ADCY10: variants seen among roughly 807,000 people sequenced by gnomAD.
ADCY10 encodes adenylate cyclase type 10.
A neutral mutation model predicts 183.3 loss-of-function variants in ADCY10; 156 were observed. The observed-to-expected ratio is 0.85, with a 90% CI of 0.75 to 0.97. The LOEUF (loss-of-function observed/expected upper bound fraction) is 0.97, where lower values mean the gene tolerates loss of function less well. Among genes scored for constraint, ADCY10 ranks in the 50% least tolerant of loss-of-function variants. ADCY10 has a pLI of 0.00. For synonymous variants in ADCY10, 645 were observed against 670.0 expected (o/e 0.96, Z 0.58); for missense variants, 1,745 against 1,934.3 (o/e 0.90, Z 1.84).
chr1:167,814,670 C>G (rs921481990), intron 31 of ADCY10, among the ~76,000 whole-genome samples: 1 of 152,056 alleles, frequency 6.6e-6, no homozygotes, highest in Non-Finnish European at 1.5e-5. Context: ...AACAAACATA[C>G]ACTTAATGGG....
At chr1:167,905,233 T>C in intron 1 of ADCY10, 35 bp from the exon 2 acceptor site, 3 of 1,390,138 alleles carry the variant, frequency 2.2e-6, no homozygotes, top group Non-Finnish European at 3.1e-6. Context: ...AAATCTGATA[T>C]ATTCATTTGC....
intron 26 of ADCY10, among the ~76,000 whole-genome samples, chr1:167,827,048 G>C (rs1405004551): frequency 3.9e-5 from 6 of 152,138 alleles, no homozygotes; most frequent in Admixed American, 3.9e-4. Flanking sequence ...CTAATGTAGA[G>C]GACAGACTCC....
chr1:167,863,025 T>C (rs767807766), intron 14 of ADCY10, among the ~76,000 whole-genome samples: 3 of 152,080 alleles, frequency 2.0e-5, no homozygotes, highest in African/African-American at 2.4e-5. Flanking sequence ...CAGGGAAAAA[T>C]CCAAAGACCT....
intron 6 of ADCY10, among the ~76,000 whole-genome samples, chr1:167,897,214 A>G (rs992030649): frequency 1.3e-5 from 2 of 151,494 alleles, no homozygotes; most frequent in African/African-American, 2.4e-5. Flanking sequence ...CAATAAAGAG[A>G]AAACATCAGG....
intron 21 of ADCY10, 49 bp from the exon 22 acceptor site, chr1:167,837,367 A>G: frequency 6.7e-7 from 1 of 1,492,642 alleles, no homozygotes; most frequent in South Asian, 1.1e-5. Context: ...TGTTCTCTGC[A>G]GTGGAGATAT....
chr1:167,825,723 A>C (rs1663239222), intron 26 of ADCY10, among the ~76,000 whole-genome samples: 1 of 152,140 alleles, frequency 6.6e-6, no homozygotes, highest in Non-Finnish European at 1.5e-5. Context: ...GGGGAGGTTG[A>C]GGCTGCAGTG....
At chr1:167,821,098 G>A (rs900431488) in intron 30 of ADCY10, 25 of 152,302 alleles carry the variant, frequency 1.6e-4, no homozygotes, top group African/African-American at 5.5e-4. Context: ...AATAGGGGGC[G>A]ATTTTCAGTC....
rs1381915651 is a variant in ADCY10, at chr1:167,822,115, A to G, written c.4195T>C (p.Cys1399Arg). 1.0e-5 allele frequency: 16 copies of G among 1,605,224 alleles called. No homozygotes were observed. The highest frequency in any genetic ancestry group is 1.3e-5 in the Non-Finnish European group (15 of 1,171,882). ...SGFVYRTFEE[C>R]LEFIHQYENN... ...TCGTATTGGTGTATGAATTCCAAAC[A>G]TTCTTCAAATGTTCTATAAACAAAA... The change falls in exon 30 of 33, where the codon TGT becomes CGT. Residue 1399 changes from cysteine to arginine, a missense_variant. Cys to Arg is a radical substitution (Grantham distance 180, BLOSUM62 -3). Coordinates refer to ENST00000367851, the MANE Select transcript of ADCY10 (RefSeq NM_018417.6).
intron 8 of ADCY10, among the ~76,000 whole-genome samples, chr1:167,888,693 G>A (rs998527031): frequency 2.6e-5 from 4 of 151,902 alleles, no homozygotes; most frequent in Non-Finnish European, 5.9e-5. Context: ...TGGCTAACAC[G>A]GTGAAACCTC....
Position 167,822,056 on chromosome 1 carries a change from G to T in ADCY10, c.4254C>A (p.Leu1418=). Residue 1418 remains leucine, a synonymous_variant, in exon 30 of 33, where the codon CTC becomes CTA. Coordinates refer to ENST00000367851, the MANE Select transcript of ADCY10 (RefSeq NM_018417.6). ...NNRILKFHSG[L]LLGLYSSVAI... is the part of the protein sequence containing the mutation. Reference sequence around the variant, plus strand: ...CTACAGAGGAATAAAGTCCCAGGAGGAGTCCACTGTGGAACTTGAGGATTC... The same window carrying T: ...CTACAGAGGAATAAAGTCCCAGGAGTAGTCCACTGTGGAACTTGAGGATTC... 1.2e-6 allele frequency: 2 copies of T among 1,602,484 alleles called. No individual in the cohort carries two copies. Among genetic ancestry groups the T allele is most frequent in the Non-Finnish European group, 1.7e-6 (2 of 1,169,330 alleles).
intron 21 of ADCY10, among the ~76,000 whole-genome samples, chr1:167,841,767 C>T (rs916686484): frequency 9.2e-5 from 14 of 152,044 alleles, no homozygotes; most frequent in African/African-American, 2.9e-4. Flanking sequence ...GTCACTGCAC[C>T]CAGATATTTA....
At chr1:167,843,025 A>G (rs1664768057) in intron 21 of ADCY10, among the ~76,000 whole-genome samples, 1 of 152,218 alleles carries the variant, frequency 6.6e-6, no homozygotes, top group Non-Finnish European at 1.5e-5. Flanking sequence ...TGTCGAGTCG[A>G]TAGCCTTCTG....
At chr1:167,866,710 C>G (rs929947152) in intron 14 of ADCY10, among the ~76,000 whole-genome samples, 1 of 148,474 alleles carries the variant, frequency 6.7e-6, no homozygotes, top group Non-Finnish European at 1.5e-5. Context: ...AATCTTGTGG[C>G]CTTAGACAGT....
chr1:167,897,517 G>GTATATATATA (rs1415937620), intron 6 of ADCY10, among the ~76,000 whole-genome samples: 1 of 69,004 alleles, frequency 1.4e-5, no homozygotes, highest in African/African-American at 1.0e-4. Flanking sequence ...ATATATATAT[G>GTATATATATA]TATATATATA....
chr1:167,911,048 C>A (rs1312636502), intron 1 of ADCY10, among the ~76,000 whole-genome samples: 1 of 152,206 alleles, frequency 6.6e-6, no homozygotes, highest in African/African-American at 2.4e-5. Context: ...GTTGTTAACA[C>A]TGGATGGAAA....
chr1:167,823,108 G>A lies in ADCY10; in HGVS notation c.4068C>T (p.Ile1356=). 1 of 1,614,044 alleles carries A rather than the reference G, an allele frequency of 6.2e-7. No individual in the cohort carries two copies. Among genetic ancestry groups the A allele is most frequent in the African/African-American group, 1.3e-5 (1 of 75,034 alleles). The stretch of plus-strand genomic sequence containing the variant: ...GCTCCCACAGCCGCCCCAGCACCTG[G>A]ATCAATTGCGGGTATCTATGGAAAA... ...LLLNSRYPQL[I]QVLGRLWELS... Residue 1356 remains isoleucine, a synonymous_variant, in exon 29 of 33, where the codon ATC becomes ATT. Coordinates refer to ENST00000367851, the MANE Select transcript of ADCY10 (RefSeq NM_018417.6).
intron 12 of ADCY10, 112 bp downstream of exon 12, chr1:167,878,334 A>G: frequency 8.1e-7 from 1 of 1,234,484 alleles, no homozygotes; most frequent in South Asian, 1.2e-5. Flanking sequence ...GGGAAAGCAT[A>G]GATTTCAACT....
At chr1:167,879,918 C>T (rs953801368) in intron 11 of ADCY10, among the ~76,000 whole-genome samples, 197 bp downstream of exon 11, 1 of 152,208 alleles carries the variant, frequency 6.6e-6, no homozygotes, top group East Asian at 1.9e-4. Flanking sequence ...CTACATATTT[C>T]TCTACTCATA....
At chr1:167,853,261 C>T (rs1665633256) in intron 18 of ADCY10, among the ~76,000 whole-genome samples, 1 of 152,072 alleles carries the variant, frequency 6.6e-6, no homozygotes, top group Non-Finnish European at 1.5e-5. Context: ...AAGAGGCTTC[C>T]AATTCCAGGA....
Sources: gnomAD v4.1 joint callset for allele counts (sites outside exome capture counted in the v4.1 genomes callset) on GRCh38, gnomAD v4.1.1 for gene constraint, MANE v1.5 for transcripts, NCBI Gene and HGNC (gene_info 2026-07-23, HGNC 2026-07-21) for gene names.